The following SGCG variants were observed in gnomAD, a reference collection of about 807,000 sequenced individuals.
SGCG encodes sarcoglycan gamma.
A neutral mutation model predicts 29.3 loss-of-function variants in SGCG; 26 were observed. The observed-to-expected ratio is 0.89, with a 90% CI of 0.65 to 1.23. SGCG has a LOEUF of 1.23. Ranked by LOEUF, SGCG falls within the 50% of genes most tolerant of loss-of-function variation. The probability of loss-of-function intolerance (pLI) is 0.00; values close to 1 mark genes in which losing one functional copy is unlikely to be tolerated. For missense variants in SGCG, 353 were observed against 356.0 expected, an observed-to-expected ratio of 0.99 and a Z score of 0.07; for synonymous variants, 145 against 129.7, an observed-to-expected ratio of 1.12 and a Z score of -0.80.
chr13:23,320,359 A>G (rs1393525374), intron 6 of SGCG, among the ~76,000 whole-genome samples: 1 of 152,238 alleles, frequency 6.6e-6, no homozygotes, highest in South Asian at 2.1e-4. Context: ...TAACTATGCC[A>G]TCGGAAACTG....
rs558342264 is a variant in SGCG, at chr13:23,295,540, T to A, written c.578+53T>A. The A allele has an allele frequency of 3.9e-4, 468 of 1,210,624 alleles. 5 individuals carry two copies. In the East Asian group the frequency reaches 0.011, roughly 28 times the overall value. The allele number at this position is 1,210,624 out of a possible 1,614,324, so 75.0% of individuals were successfully genotyped here. On this transcript the variant is annotated intron_variant, in intron 6 of 7. Transcript: ENST00000218867. The stretch of plus-strand genomic sequence containing the variant: ...ACCTCTCCTGTAGAAGACAAGAGGG[T>A]ATGTGCTGGAATAATGTTAGCAGTG...
chr13:23,321,761 A>G (rs1566048529), intron 7 of SGCG, among the ~76,000 whole-genome samples: 3 of 152,224 alleles, frequency 2.0e-5, no homozygotes, highest in African/African-American at 7.2e-5. Context: ...TTGACAGCAG[A>G]TAACTAAAAT....
At chr13:23,185,404 A>G (rs1876930702) in intron 1 of SGCG, among the ~76,000 whole-genome samples, 1 of 152,110 alleles carries the variant, frequency 6.6e-6, no homozygotes, top group Non-Finnish European at 1.5e-5. Flanking sequence ...GTTGGCCAGA[A>G]TGGTCTCGAT....
At chr13:23,171,696 G>C in the SGCG span, among the ~76,000 whole-genome samples, 1 of 152,156 alleles carries the variant, frequency 6.6e-6, no homozygotes, top group South Asian at 2.1e-4. Context: ...TCAGGCATTA[G>C]AATCCCATAA....
chr13:23,205,831 C>T (rs145975696), intron 2 of SGCG, among the ~76,000 whole-genome samples: 6 of 152,044 alleles, frequency 3.9e-5, no homozygotes, highest in East Asian at 3.9e-4. Flanking sequence ...TAATTGGTAG[C>T]GAGTATTCAG....
At chr13:23,235,542 T>C (rs1879277451) in intron 3 of SGCG, among the ~76,000 whole-genome samples, 1 of 152,220 alleles carries the variant, frequency 6.6e-6, no homozygotes, top group Non-Finnish European at 1.5e-5. Context: ...TTTACCTCCA[T>C]GGAGCTTATA....
chr13:23,288,543 A>G (rs1276411938), intron 5 of SGCG, among the ~76,000 whole-genome samples: 1 of 152,224 alleles, frequency 6.6e-6, no homozygotes, highest in Non-Finnish European at 1.5e-5. Context: ...ATACTGAATA[A>G]TAGTTTTTAA....
At chr13:23,234,219 C>T (rs1206199192) in intron 2 of SGCG, among the ~76,000 whole-genome samples, 1 of 152,116 alleles carries the variant, frequency 6.6e-6, no homozygotes, top group African/African-American at 2.4e-5. Context: ...TGGAACTATA[C>T]TGTATTCTGA....
At chr13:23,289,138 T>TTAGGAGTACCA (rs1257936995) in intron 5 of SGCG, among the ~76,000 whole-genome samples, 1 of 152,162 alleles carries the variant, frequency 6.6e-6, no homozygotes, top group Non-Finnish European at 1.5e-5. Flanking sequence ...GAAGGTGCTT[T>TTAGGAGTACCA]TAGGAGTACC....
rs192886890 is a variant in SGCG, at chr13:23,276,174, C to T, written c.386-3185C>T. Among the ~76,000 whole-genome samples, 419 of 151,784 alleles carry T rather than the reference C, an allele frequency of 2.8e-3. 3 individuals carry two copies. The highest frequency in any genetic ancestry group is 5.1e-3 in the Non-Finnish European group (345 of 67,918). On this transcript the variant is annotated intron_variant, in intron 4 of 7. Transcript: ENST00000218867. ...TACATCCTCAGCTCTAATCAATGTCCAACTAGGTTAAAAAAAAAACCGCTA... is the reference window on the plus strand; with the variant it reads ...TACATCCTCAGCTCTAATCAATGTCTAACTAGGTTAAAAAAAAAACCGCTA...
chr13:23,308,838 G>A (rs1023740505), intron 6 of SGCG, among the ~76,000 whole-genome samples: 7 of 152,222 alleles, frequency 4.6e-5, no homozygotes, highest in Admixed American at 1.3e-4. Flanking sequence ...TGCTGGGATT[G>A]CAGGTGTGAA....
At chr13:23,277,645 G>C (rs971684140) in intron 4 of SGCG, among the ~76,000 whole-genome samples, 5 of 151,134 alleles carry the variant, frequency 3.3e-5, no homozygotes, top group African/African-American at 4.9e-5. Context: ...GTTAGGGTCA[G>C]AGGGGACACA....
At chr13:23,295,111 G>A in intron 5 of SGCG, among the ~76,000 whole-genome samples, 1 of 152,252 alleles carries the variant, frequency 6.6e-6, no homozygotes, top group Admixed American at 6.5e-5. Context: ...GCAATTTTCA[G>A]AAGGACTTTT....
upstream of SGCG, chr13:23,180,807 G>A (rs180956843): frequency 6.6e-5 from 10 of 152,336 alleles, no homozygotes; most frequent in Non-Finnish European, 1.3e-4. Context: ...GCGAAGAGCT[G>A]TGTCCTGGAA....
intron 2 of SGCG, among the ~76,000 whole-genome samples, chr13:23,227,396 T>G (rs1878943145): frequency 6.6e-6 from 1 of 151,798 alleles, no homozygotes; most frequent in Non-Finnish European, 1.5e-5. Flanking sequence ...ATATTGCTTA[T>G]GGGAATGCAA....
chr13:23,288,901 C>A (rs922681270), intron 5 of SGCG, among the ~76,000 whole-genome samples: 2 of 152,106 alleles, frequency 1.3e-5, no homozygotes, highest in African/African-American at 4.8e-5. Flanking sequence ...CATTTCCCAC[C>A]ACTAATAAGA....
intron 4 of SGCG, among the ~76,000 whole-genome samples, chr13:23,259,543 C>G (rs1880345182): frequency 6.6e-6 from 1 of 151,704 alleles, no homozygotes; most frequent in Non-Finnish European, 1.5e-5. Flanking sequence ...TTCTATCTCC[C>G]TCAGTTCTGC....
intron 2 of SGCG, among the ~76,000 whole-genome samples, chr13:23,205,595 C>G (rs1280905832): frequency 6.6e-6 from 1 of 152,040 alleles, no homozygotes; most frequent in Non-Finnish European, 1.5e-5. Context: ...GACAATATGT[C>G]TACTTTATAC....
intron 4 of SGCG, among the ~76,000 whole-genome samples, chr13:23,259,491 C>A (rs1198376470): frequency 6.6e-6 from 1 of 152,000 alleles, no homozygotes; most frequent in African/African-American, 2.4e-5. Context: ...TTCAAAAAAA[C>A]CAGCTCCTAG....
Sources: allele counts gnomAD v4.1 joint callset (sites outside exome capture counted in the v4.1 genomes callset), GRCh38; gene constraint gnomAD v4.1.1; transcripts MANE v1.5; gene names NCBI Gene and HGNC (gene_info 2026-07-23, HGNC 2026-07-21).